AKAP6: variants seen among roughly 807,000 people sequenced by gnomAD.
The protein encoded by AKAP6 is A-kinase anchoring protein 6.
Under a neutral mutation model 188.5 loss-of-function variants are expected in AKAP6, and 58 were observed. The ratio of observed to expected loss-of-function variants is 0.31; its 90% CI spans 0.25 to 0.38. The LOEUF (loss-of-function observed/expected upper bound fraction) is 0.38, where lower values mean the gene tolerates loss of function less well. Among genes scored for constraint, AKAP6 ranks in the 10% least tolerant of loss-of-function variants. The pLI is 1.00. For synonymous variants in AKAP6, 989 were observed against 998.6 expected (o/e 0.99, Z 0.18); for missense variants, 2,710 against 2,740.0 (o/e 0.99, Z 0.24).
chr14:32,557,478 C>T (rs1164252004), intron 4 of AKAP6, among the ~76,000 whole-genome samples: 2 of 152,222 alleles, frequency 1.3e-5, no homozygotes, highest in Non-Finnish European at 2.9e-5. Context: ...ATTTGAAACA[C>T]AGCTGTATCC....
At chr14:32,474,986 G>A (rs1318397054) in intron 2 of AKAP6, among the ~76,000 whole-genome samples, 2 of 152,166 alleles carry the variant, frequency 1.3e-5, no homozygotes, top group Admixed American at 1.3e-4. Flanking sequence ...TGAGACACAG[G>A]AAGTATATTT....
At chr14:32,446,077 A>C (rs1034945592) in intron 2 of AKAP6, among the ~76,000 whole-genome samples, 3 of 152,196 alleles carry the variant, frequency 2.0e-5, no homozygotes, top group Non-Finnish European at 4.4e-5. Context: ...TTTAAAGGTA[A>C]ATTATGTTGG....
In AKAP6 at chr14:32,370,359, T is replaced by C. The variant is rs1278323342; in HGVS notation, c.-35+40951T>C. Among the ~76,000 whole-genome samples, 12 of 152,328 alleles carry C rather than the reference T, an allele frequency of 7.9e-5. No homozygotes were observed. The East Asian group carries it at 1.9e-3, about 25-fold the overall frequency. The stretch of plus-strand genomic sequence containing the variant: ...TTTGTGCCTTACAAAGACAGTGCTA[T>C]CGAATTGATGGTGTTCTAGGTTCTT... On this transcript the variant is annotated intron_variant, in intron 1 of 13. Coordinates refer to ENST00000280979, the MANE Select transcript of AKAP6 (RefSeq NM_004274.5).
rs114775296 is a variant in AKAP6 at position 32,371,433 on chromosome 14, A to C, written c.-35+42025A>C. Among the ~76,000 whole-genome samples, 562 of 152,320 alleles carry C rather than the reference A, an allele frequency of 3.7e-3. 2 individuals carry two copies. The highest frequency in any genetic ancestry group is 0.013 in the African/African-American group (542 of 41,568). Reference sequence around the variant, plus strand: ...CATCTCTACAAAACAAAAACAAAACAAAACAAAACCAAAAACCAAAAGAAT... The same window carrying C: ...CATCTCTACAAAACAAAAACAAAACCAAACAAAACCAAAAACCAAAAGAAT... On this transcript the variant is annotated intron_variant, in intron 1 of 13. Coordinates refer to ENST00000280979, the MANE Select transcript of AKAP6 (RefSeq NM_004274.5).
At chr14:32,685,257 A>G (rs1382066768) in intron 8 of AKAP6, among the ~76,000 whole-genome samples, 1 of 152,008 alleles carries the variant, frequency 6.6e-6, no homozygotes, top group Non-Finnish European at 1.5e-5. Context: ...GACTGAAACC[A>G]TGTCTCAAAA....
At chr14:32,554,225 T>A (rs1594739226) in intron 4 of AKAP6, among the ~76,000 whole-genome samples, 1 of 152,126 alleles carries the variant, frequency 6.6e-6, no homozygotes, top group South Asian at 2.1e-4. Flanking sequence ...AGTGACAGAG[T>A]TGAATAGTTG....
chr14:32,769,416 T>C (rs1214353524), intron 11 of AKAP6, among the ~76,000 whole-genome samples: 1 of 152,082 alleles, frequency 6.6e-6, no homozygotes, highest in Admixed American at 6.5e-5. Flanking sequence ...TCCAGCTAGA[T>C]TGAAGGCAGG....
At chr14:32,533,732 C>G (rs1031227625) in intron 2 of AKAP6, among the ~76,000 whole-genome samples, 1 of 152,112 alleles carries the variant, frequency 6.6e-6, no homozygotes, top group Non-Finnish European at 1.5e-5. Context: ...GTGCTCCAAC[C>G]AGAAATCCCG....
At chr14:32,798,864 A>G (rs1048359808) in intron 12 of AKAP6, among the ~76,000 whole-genome samples, 1 of 152,068 alleles carries the variant, frequency 6.6e-6, no homozygotes, top group African/African-American at 2.4e-5. Context: ...TACTTTCTGA[A>G]CCTAAAATAA....
rs1882649379 is a variant in AKAP6 at position 32,535,811 on chromosome 14, T to C, written c.576+6T>C. 1.2e-5 allele frequency: 19 copies of C among 1,604,560 alleles called. No individual in the cohort carries two copies. Among genetic ancestry groups the C allele is most frequent in the Non-Finnish European group, 1.6e-5 (19 of 1,173,302 alleles). On this transcript the variant is annotated splice_donor_region_variant and intron_variant, in intron 3 of 13. Coordinates refer to ENST00000280979, the MANE Select transcript of AKAP6 (RefSeq NM_004274.5). ...TCTCTGAAGAGACAAAAGAGGTGAGTGTTTTCCTTGAAGTTAAGCAATGCA... is the reference window on the plus strand; with the variant it reads ...TCTCTGAAGAGACAAAAGAGGTGAGCGTTTTCCTTGAAGTTAAGCAATGCA...
At chr14:32,543,354 T>C (rs1468846428) in intron 3 of AKAP6, among the ~76,000 whole-genome samples, 1 of 152,246 alleles carries the variant, frequency 6.6e-6, no homozygotes, top group African/African-American at 2.4e-5. Flanking sequence ...AGCTCATACA[T>C]GTTGTCACAA....
chr14:32,336,881 C>T (rs1457948914), intron 1 of AKAP6, among the ~76,000 whole-genome samples: 4 of 152,168 alleles, frequency 2.6e-5, no homozygotes, highest in African/African-American at 9.7e-5. Flanking sequence ...CCCCTGAGGC[C>T]CTCATCTCCC....
At chr14:32,665,567 C>T (rs1446766547) in intron 7 of AKAP6, among the ~76,000 whole-genome samples, 1 of 152,150 alleles carries the variant, frequency 6.6e-6, no homozygotes. Flanking sequence ...ACTCTGTCCT[C>T]TTGGGGTTTT....
At chr14:32,638,772 C>G (rs1305543028) in intron 7 of AKAP6, among the ~76,000 whole-genome samples, 7 of 151,928 alleles carry the variant, frequency 4.6e-5, no homozygotes, top group Admixed American at 4.6e-4. Flanking sequence ...ATGAACAGAA[C>G]CTGGTTCCTA....
At chr14:32,657,962 G>T (rs1455500665) in intron 7 of AKAP6, among the ~76,000 whole-genome samples, 1 of 152,000 alleles carries the variant, frequency 6.6e-6, no homozygotes, top group Non-Finnish European at 1.5e-5. Context: ...GTTGGTGGTC[G>T]CACACATGGT....
intron 11 of AKAP6, among the ~76,000 whole-genome samples, chr14:32,747,572 T>C (rs891336380): frequency 3.9e-5 from 6 of 152,174 alleles, no homozygotes; most frequent in African/African-American, 1.4e-4. Context: ...CCCCACCACA[T>C]ATTAAAAACC....
At chr14:32,694,097 C>G (rs778235860) in intron 8 of AKAP6, among the ~76,000 whole-genome samples, 4 of 152,042 alleles carry the variant, frequency 2.6e-5, no homozygotes, top group African/African-American at 4.8e-5. Flanking sequence ...CGCGGTGGCT[C>G]ATGCCTGTAA....
rs552785842 is a variant in AKAP6 at position 32,406,402 on chromosome 14, G to A, written c.-34-27058G>A. 2.6e-5 allele frequency among the ~76,000 whole-genome samples: 4 copies of A among 152,210 alleles called. No individual in the cohort carries two copies. In the South Asian group the frequency reaches 6.2e-4, roughly 24 times the overall value. On this transcript the variant is annotated intron_variant, in intron 1 of 13. Transcript: ENST00000280979. ...TTTTTGTATTTTTAGTAGAGACGGG[G>A]TTTCCCTATGTTGGCCAGGCTGGTC...
intron 7 of AKAP6, among the ~76,000 whole-genome samples, chr14:32,644,786 C>T (rs894629821): frequency 1.3e-5 from 2 of 151,894 alleles, no homozygotes; most frequent in Non-Finnish European, 2.9e-5. Flanking sequence ...TATTTTTGTC[C>T]TTCTCAATTA....
Sources: allele counts gnomAD v4.1 joint callset (sites outside exome capture counted in the v4.1 genomes callset), GRCh38; gene constraint gnomAD v4.1.1; transcripts MANE v1.5; gene names NCBI Gene and HGNC (gene_info 2026-07-23, HGNC 2026-07-21).